The following NCOR2 variants were observed in gnomAD, a reference collection of about 807,000 sequenced individuals.
NCOR2 encodes nuclear receptor corepressor 2, also known as CTG repeat protein 26.
In NCOR2, 81 loss-of-function variants were observed where a neutral mutation model predicts 262.9. The observed-to-expected ratio is 0.31, with a 90% CI of 0.26 to 0.37. The LOEUF is 0.37. Ranked by LOEUF, NCOR2 falls within the 10% of genes least tolerant of loss-of-function variation. NCOR2 has a pLI of 1.00. For synonymous variants in NCOR2, 1,659 were observed against 1,559.3 expected, an observed-to-expected ratio of 1.06 and a Z score of -1.51; for missense variants, 3,385 against 3,621.4, an observed-to-expected ratio of 0.93 and a Z score of 1.68.
intron 13 of NCOR2, among the ~76,000 whole-genome samples, chr12:124,403,471 C>A (rs1455061218): frequency 6.6e-6 from 1 of 152,084 alleles, no homozygotes; most frequent in Admixed American, 6.5e-5. Context: ...CACCGCCTCC[C>A]GATTTCCTGT....
At chr12:124,434,686 G>A (rs895880173) in intron 8 of NCOR2, among the ~76,000 whole-genome samples, 3 of 152,200 alleles carry the variant, frequency 2.0e-5, no homozygotes, top group African/African-American at 2.4e-5. Context: ...TCAAGGAGGC[G>A]GCAAGATCGC....
At chr12:124,325,155 C>A in exon 47 of NCOR2, 3 of 313,568 alleles carry the variant, frequency 9.6e-6, no homozygotes, top group South Asian at 1.6e-4. Flanking sequence ...CCCTTCCCCT[C>A]CCTTCCCGAG....
At chr12:124,415,218 T>G (rs1345826428) in intron 13 of NCOR2, among the ~76,000 whole-genome samples, 1 of 152,156 alleles carries the variant, frequency 6.6e-6, no homozygotes, top group African/African-American at 2.4e-5. Context: ...AGACCACCAC[T>G]GCCTGCACCT....
chr12:124,340,257 A>G (rs1224563818), intron 36 of NCOR2, 37 bp downstream of exon 38: 1 of 1,606,606 alleles, frequency 6.2e-7, no homozygotes, highest in South Asian at 1.1e-5. Flanking sequence ...GCCCACAAGG[A>G]GTCCCGGAGC....
At chr12:124,420,783 T>A (rs1435052991) in intron 12 of NCOR2, among the ~76,000 whole-genome samples, 2 of 152,154 alleles carry the variant, frequency 1.3e-5, no homozygotes, top group Non-Finnish European at 2.9e-5. Flanking sequence ...CCTTACAATG[T>A]AAAATGTTTC....
intron 14 of NCOR2, among the ~76,000 whole-genome samples, chr12:124,401,023 A>G (rs2041959895): frequency 6.6e-6 from 1 of 152,152 alleles, no homozygotes; most frequent in African/African-American, 2.4e-5. Flanking sequence ...TGGGCAACAC[A>G]GCAAGACTCC....
chr12:124,554,155 C>CACGACAAA (rs1247189654), intron 1 of NCOR2, among the ~76,000 whole-genome samples: 2 of 152,240 alleles, frequency 1.3e-5, no homozygotes, highest in African/African-American at 4.8e-5. Context: ...TGACCGAGGG[C>CACGACAAA]ACGACAAAAC....
In NCOR2 at chr12:124,528,060, GGAACA is replaced by G. The variant is rs757932382; in HGVS notation, c.-118+7500_-118+7504del. On this transcript the variant is annotated intron_variant, in intron 1 of 46. Coordinates refer to the NCOR2 transcript ENST00000404621. ...CCGAGGCCTCCTGAGGTTTCACTGC[GGAACA>G]GACGTCATCCCTTCCACGACTGCCA... Among the ~76,000 whole-genome samples, 143 of 152,202 alleles carry G rather than the reference GGAACA, an allele frequency of 9.4e-4. 1 individual carries two copies. Among genetic ancestry groups the G allele is most frequent in the Non-Finnish European group, 1.6e-3 (112 of 68,004 alleles).
At chr12:124,532,448 C>A (rs2050855740) in intron 1 of NCOR2, among the ~76,000 whole-genome samples, 2 of 152,218 alleles carry the variant, frequency 1.3e-5, no homozygotes, top group Non-Finnish European at 2.9e-5. Flanking sequence ...CCCAGACAGG[C>A]CTTGCCTTCG....
Position 124,402,969 on chromosome 12 carries a change from G to A in NCOR2, c.1483-408C>T, listed in dbSNP as rs1416935288. 6.6e-5 allele frequency among the ~76,000 whole-genome samples: 10 copies of A among 152,306 alleles called. No homozygotes were observed. In the East Asian group the frequency reaches 1.4e-3, roughly 21 times the overall value. ...TGAGGGCTGGGAGGTTGAAATGAGAGAATCCTCACCATGCTTACATCCGCA... is the reference window on the plus strand; with the variant it reads ...TGAGGGCTGGGAGGTTGAAATGAGAAAATCCTCACCATGCTTACATCCGCA... On this transcript the variant is annotated intron_variant, in intron 13 of 46. Coordinates refer to ENST00000405201, the Ensembl canonical transcript of NCOR2.
chr12:124,384,209 C>T (rs377235035), intron 17 of NCOR2, among the ~76,000 whole-genome samples: 5 of 152,348 alleles, frequency 3.3e-5, no homozygotes, highest in African/African-American at 9.6e-5. Context: ...CAACATCCCC[C>T]GGCCCAGGCC....
chr12:124,340,512 G>T, intron 35 of NCOR2, 69 bp from the exon 38 acceptor site: 2 of 1,573,060 alleles, frequency 1.3e-6, no homozygotes, highest in Non-Finnish European at 1.7e-6. Flanking sequence ...CTTCTGGGGT[G>T]GGAAAGAGAG....
In NCOR2 at chr12:124,457,484, C is replaced by T. The variant is rs1236695517; in HGVS notation, c.706-322G>A. Among the ~76,000 whole-genome samples the T allele has an allele frequency of 6.6e-6, 1 of 152,212 alleles. No individual in the cohort carries two copies. Among genetic ancestry groups the T allele is most frequent in the Non-Finnish European group, 1.5e-5 (1 of 68,036 alleles). On this transcript the variant is annotated intron_variant, in intron 5 of 46. Transcript: ENST00000405201. This position sits in a 1 kb window ranked among gnomAD's most constrained non-coding sequence, Gnocchi z 4.0. ...GGGCCCAGCGACGTGGGCACCGCTC[C>T]CCACCAGCCCAGCCGACACTGCCAG... is the stretch of plus-strand genomic sequence containing the variant.
intron 3 of NCOR2, among the ~76,000 whole-genome samples, chr12:124,476,228 C>T (rs765711791): frequency 6.6e-6 from 1 of 152,226 alleles, no homozygotes; most frequent in Non-Finnish European, 1.5e-5. Flanking sequence ...TCTGTGCCAA[C>T]TGACGTGAGA....
At chr12:124,355,090 C>T in intron 24 of NCOR2, 151 bp from the exon 27 acceptor site, 1 of 679,992 alleles carries the variant, frequency 1.5e-6, no homozygotes, top group Non-Finnish European at 2.4e-6. Context: ...CACTGCTACT[C>T]CCAAGCCTCG....
At chr12:124,381,248 C>G (rs2040387500) in intron 17 of NCOR2, among the ~76,000 whole-genome samples, 1 of 152,186 alleles carries the variant, frequency 6.6e-6, no homozygotes, top group African/African-American at 2.4e-5. Flanking sequence ...AGGGCCTCTA[C>G]ACTGGCTGTT....
intron 17 of NCOR2, among the ~76,000 whole-genome samples, chr12:124,381,880 G>A (rs867215401): frequency 4.6e-5 from 7 of 152,354 alleles, no homozygotes; most frequent in African/African-American, 1.4e-4. Context: ...GGGAAACCTC[G>A]TAGAAGACAC....
At position 124,504,453 on chromosome 12, in the gene NCOR2, G is replaced by A. The variant is rs997547200; in HGVS notation, c.-117-9085C>T. On this transcript the variant is annotated intron_variant, in intron 1 of 46. Transcript: ENST00000404621. The surrounding 1 kb of genome is among the most constrained non-coding windows in gnomAD (Gnocchi z 4.5). ...CACATTGCGGGTGGGAATGTCAGAT[G>A]TGCAGTGCAGCCACTGTGGAAAACA... Among the ~76,000 whole-genome samples the A allele has an allele frequency of 3.3e-5, 5 of 152,198 alleles. 1 individual carries two copies. The highest frequency in any genetic ancestry group is 7.3e-5 in the Non-Finnish European group (5 of 68,030).
rs550690605 is a variant in NCOR2 at position 124,335,878 on chromosome 12, G to A, written c.6116-246C>T. On this transcript the variant is annotated intron_variant, in intron 38 of 46. Transcript: ENST00000405201. ...AGACAGACAGAGAGGGAGACACAGA[G>A]AGAGATTAGGCAAGAAGGGACAGAG... The A allele has an allele frequency of 5.3e-4, 280 of 530,000 alleles. 2 individuals are homozygous for A. The highest frequency in any genetic ancestry group is 4.3e-3 in the South Asian group (151 of 35,144). 32.8% of individuals were successfully genotyped at this position (530,000 alleles called of 1,614,324 possible). A position where few individuals can be genotyped will look rare whatever the true frequency, so the allele number is the denominator to read the frequency against.
Sources: allele counts gnomAD v4.1 joint callset (sites outside exome capture counted in the v4.1 genomes callset), GRCh38; gene constraint gnomAD v4.1.1; non-coding constraint Gnocchi (gnomAD v3.1); transcripts MANE v1.5; gene names NCBI Gene and HGNC (gene_info 2026-07-23, HGNC 2026-07-21).